The following RAB3IL1 variants were observed in gnomAD, a reference collection of about 807,000 sequenced individuals.
RAB3IL1 encodes the protein RAB3A interacting protein like 1.
Under a neutral mutation model 49.2 loss-of-function variants are expected in RAB3IL1, and 37 were observed. That is an observed-to-expected ratio of 0.75 (90% confidence interval 0.58 to 0.99). The LOEUF (loss-of-function observed/expected upper bound fraction) is 0.99. Among genes scored for constraint, RAB3IL1 ranks in the 50% least tolerant of loss-of-function variants. RAB3IL1 has a pLI of 0.00. For missense variants in RAB3IL1, 484 were observed against 513.0 expected (o/e 0.94, Z 0.55); for synonymous variants, 193 against 213.9 (o/e 0.90, Z 0.85).
rs763676060 is a variant in RAB3IL1, at chr11:61,899,408, C to T, written c.1000-28G>A. ...GTGGGCAGAGGTGGGGACGGTGTGA[C>T]CTGCCAGCCCCACGCTGGGGGTCCC... On this transcript the variant is annotated intron_variant, in intron 8 of 9. Coordinates refer to ENST00000394836, the MANE Select transcript of RAB3IL1 (RefSeq NM_013401.4). 40 of 1,600,138 alleles carry T rather than the reference C, an allele frequency of 2.5e-5. No homozygotes were observed. In the East Asian group the frequency reaches 8.3e-4, roughly 33 times the overall value.
At chr11:61,942,127 C>T in the RAB3IL1 span, among the ~76,000 whole-genome samples, 3 of 152,122 alleles carry the variant, frequency 2.0e-5, no homozygotes, top group Non-Finnish European at 4.4e-5. Flanking sequence ...AGGAGAATCG[C>T]TTGAAACCAG....
intron 8 of RAB3IL1, among the ~76,000 whole-genome samples, chr11:61,901,329 C>T (rs1355945821): frequency 6.6e-6 from 1 of 152,182 alleles, no homozygotes; most frequent in East Asian, 1.9e-4. Context: ...GTGAGAACCC[C>T]TGTCCTGGTC....
the RAB3IL1 span, among the ~76,000 whole-genome samples, chr11:61,926,460 T>C: frequency 6.6e-6 from 1 of 152,212 alleles, no homozygotes; most frequent in East Asian, 1.9e-4. Context: ...ATCCCCAATG[T>C]TGGAGGTGGG....
At chr11:61,914,993 G>A (rs1304778881) in intron 1 of RAB3IL1, among the ~76,000 whole-genome samples, 1 of 152,140 alleles carries the variant, frequency 6.6e-6, no homozygotes, top group Admixed American at 6.5e-5. Context: ...AGGACACCAG[G>A]CACCCAGTGG....
chr11:61,899,679 T>C (rs1938805139), intron 8 of RAB3IL1: 6 of 368,492 alleles, frequency 1.6e-5, no homozygotes, highest in Non-Finnish European at 3.1e-5. Context: ...GCCGCTGACA[T>C]CCATCACGGA....
At chr11:61,914,240 C>T (rs937884365) in intron 1 of RAB3IL1, among the ~76,000 whole-genome samples, 5 of 152,238 alleles carry the variant, frequency 3.3e-5, no homozygotes, top group Non-Finnish European at 5.9e-5. Flanking sequence ...ATGGCCCCTA[C>T]AGCCCTGCCT....
chr11:61,910,422 C>G (rs965001294), intron 1 of RAB3IL1, among the ~76,000 whole-genome samples: 7 of 152,310 alleles, frequency 4.6e-5, no homozygotes, highest in African/African-American at 1.7e-4. Flanking sequence ...GCAGAGAGAA[C>G]AGGCCAGATG....
At chr11:61,929,012 CA>C in the RAB3IL1 span, among the ~76,000 whole-genome samples, 67 of 150,834 alleles carry the variant, frequency 4.4e-4, no homozygotes, top group Admixed American at 7.2e-4. Context: ...TTACAAAAAA[CA>C]AAAAAAAATT....
chr11:61,904,549 G>T lies in RAB3IL1; in HGVS notation c.896C>A (p.Thr299Asn). The change falls in exon 7 of 10, where the codon ACC becomes AAC. Residue 299 changes from threonine (T) to asparagine (N), a missense_variant. By Grantham distance (65) the Thr-to-Asn change is moderately conservative. Transcript: ENST00000394836. ...GGAGCTAAGACCCTCAGCTTACTTG[G>T]TGCTGCTACAGTCAACCTCGGCCAC... ...VKVAEVDCSS[T>N]NTCALSGLTR... 1 of 1,607,304 alleles carries T rather than the reference G, an allele frequency of 6.2e-7. No homozygotes were observed. The highest frequency in any genetic ancestry group is 8.5e-7 in the Non-Finnish European group (1 of 1,176,740).
intron 1 of RAB3IL1, 92 bp from the exon 2 acceptor site, chr11:61,908,398 CCACTTGAG>C: frequency 7.9e-7 from 1 of 1,270,028 alleles, no homozygotes. Context: ...AATGTGCCTG[CCACTTGAG>C]CCTCAGCCTT....
At chr11:61,943,072 G>T in the RAB3IL1 span, among the ~76,000 whole-genome samples, 1 of 152,180 alleles carries the variant, frequency 6.6e-6, no homozygotes, top group Admixed American at 6.5e-5. Context: ...AAAGAACAAA[G>T]TTGGAGAACT....
chr11:61,907,598 C>T lies in RAB3IL1; in HGVS notation c.327G>A (p.Gln109=), dbSNP rs766883643. 18 of 1,613,960 alleles carry T rather than the reference C, an allele frequency of 1.1e-5. No homozygotes were observed. The South Asian group carries it at 1.9e-4, about 17-fold the overall frequency. ...RLSKVREQLE[Q]ELEELTASLF... The stretch of plus-strand genomic sequence containing the variant: ...GGCTGGCCGTCAGCTCTTCCAGCTC[C>T]TGTTCTAGCTGCTCCCGCACCTTGG... Residue 109 remains glutamine, a synonymous_variant, in exon 3 of 10, where the codon CAG becomes CAA. Transcript: ENST00000394836.
chr11:61,908,321 G>T lies in RAB3IL1; in HGVS notation c.12-15C>A. 6.9e-7 allele frequency: 1 copy of T among 1,457,544 alleles called. No individual in the cohort carries two copies. Among genetic ancestry groups the T allele is most frequent in the Admixed American group, 2.5e-5 (1 of 40,086 alleles). 90.3% of individuals were successfully genotyped at this position (1,457,544 alleles called of 1,614,324 possible). A position where few individuals can be genotyped will look rare whatever the true frequency, so the allele number is the denominator to read the frequency against. On this transcript the variant is annotated splice_polypyrimidine_tract_variant and intron_variant, in intron 1 of 9. Coordinates refer to ENST00000394836, the MANE Select transcript of RAB3IL1 (RefSeq NM_013401.4). ...GCTGGGGTGGGCTGGAGACAAACAA[G>T]GGTATCAGCAGGTTCAGGGTGGGGT...
At chr11:61,907,738 AG>A (rs1448371745) in intron 2 of RAB3IL1, 78 bp from the exon 3 acceptor site, 2 of 1,296,102 alleles carry the variant, frequency 1.5e-6, no homozygotes, top group African/African-American at 2.9e-5. Context: ...CCACCGGACC[AG>A]GTTCCATCCC....
In RAB3IL1 at chr11:61,908,210, TG is replaced by T; in HGVS notation, c.107del (p.Pro36GlnfsTer44). ...TDPCQGHRES[P>X]GALVETSAGE... ...CTGCAGAGGTCTCCACCAGGGCTCC[TG>T]GGGACTCCCTGTGGCCTTGGCAGGG... On this transcript the variant is annotated frameshift_variant, in exon 2 of 10. Coordinates refer to ENST00000394836, the MANE Select transcript of RAB3IL1 (RefSeq NM_013401.4). LOFTEE classifies it high-confidence loss of function. 2 of 1,544,028 alleles carry T rather than the reference TG, an allele frequency of 1.3e-6. No homozygotes were observed. Among genetic ancestry groups the T allele is most frequent in the Non-Finnish European group, 8.7e-7 (1 of 1,144,648 alleles).
upstream of RAB3IL1, among the ~76,000 whole-genome samples, chr11:61,925,222 A>G (rs1263124438): frequency 6.6e-6 from 1 of 152,226 alleles, no homozygotes; most frequent in Non-Finnish European, 1.5e-5. Flanking sequence ...ATTTTAACCC[A>G]GGTTTGTCTG....
chr11:61,899,248 G>A (rs763158218), intron 9 of RAB3IL1, 66 bp downstream of exon 9: 16 of 1,519,260 alleles, frequency 1.1e-5, no homozygotes, highest in Non-Finnish European at 1.4e-5. Flanking sequence ...TGGGCCCAGA[G>A]GGCACTTCCC....
upstream of RAB3IL1, chr11:61,920,076 C>A: frequency 1.5e-6 from 2 of 1,292,982 alleles, no homozygotes; most frequent in Admixed American, 3.3e-5. Flanking sequence ...TCAAGTTCCC[C>A]TCAAGTACAG....
At chr11:61,942,108 G>A in the RAB3IL1 span, among the ~76,000 whole-genome samples, 1 of 151,530 alleles carries the variant, frequency 6.6e-6, no homozygotes, top group Non-Finnish European at 1.5e-5. Flanking sequence ...CTACTTGGGA[G>A]GCTGAGGCAG....
Sources: allele counts gnomAD v4.1 joint callset (sites outside exome capture counted in the v4.1 genomes callset), GRCh38; gene constraint gnomAD v4.1.1; transcripts MANE v1.5; gene names NCBI Gene and HGNC (gene_info 2026-07-23, HGNC 2026-07-21).